Variants in ULK4 observed in about 807,000 individuals in gnomAD.
ULK4 encodes inactive serine/threonine-protein kinase ULK4.
A neutral mutation model predicts 160.6 loss-of-function variants in ULK4; 133 were observed. The observed-to-expected ratio is 0.83, with a 90% confidence interval of 0.72 to 0.96. ULK4 has a LOEUF of 0.96. ULK4 is among the 40% of genes least tolerant of loss of function. The probability of loss-of-function intolerance (pLI) is 0.00; values close to 1 mark genes in which losing one functional copy is unlikely to be tolerated. For synonymous variants in ULK4, 534 were observed against 539.8 expected, an observed-to-expected ratio of 0.99 and a Z score of 0.15; for missense variants, 1,580 against 1,499.5, an observed-to-expected ratio of 1.05 and a Z score of -0.89.
At chr3:41,261,979 C>G (rs58089472) in intron 35 of ULK4, among the ~76,000 whole-genome samples, 30,805 of 151,992 alleles carry the variant, frequency 0.2, 5,327 homozygotes, top group African/African-American at 0.46. Context: ...CTATGAGGAA[C>G]ATCTTCCATG....
chr3:41,402,617 G>A (rs1012334069), intron 34 of ULK4, among the ~76,000 whole-genome samples: 2 of 152,082 alleles, frequency 1.3e-5, no homozygotes, highest in East Asian at 1.9e-4. Flanking sequence ...CCATATGATC[G>A]TGTAATATTT....
chr3:41,453,899 C>T (rs2083477849), intron 34 of ULK4, among the ~76,000 whole-genome samples: 2 of 151,188 alleles, frequency 1.3e-5, no homozygotes, highest in South Asian at 4.2e-4. Context: ...AAGCTGGAAA[C>T]CATCATTCTC....
At chr3:41,260,447 A>G (rs555185964) in intron 35 of ULK4, among the ~76,000 whole-genome samples, 2 of 152,364 alleles carry the variant, frequency 1.3e-5, no homozygotes, top group African/African-American at 4.8e-5. Context: ...GATGCTGAGT[A>G]AATCTGAGAC....
intron 2 of ULK4, among the ~76,000 whole-genome samples, chr3:41,948,546 AT>A (rs1700183689): frequency 6.6e-6 from 1 of 152,170 alleles, no homozygotes; most frequent in East Asian, 1.9e-4. Flanking sequence ...ATGCAAGCAA[AT>A]TGAATTCAGC....
chr3:41,638,821 C>A (rs936346571), intron 30 of ULK4, among the ~76,000 whole-genome samples: 1 of 152,214 alleles, frequency 6.6e-6, no homozygotes, highest in South Asian at 2.1e-4. Context: ...ATGTTACATT[C>A]CATTCAGTCA....
At chr3:41,263,615 A>G (rs1029800162) in intron 35 of ULK4, among the ~76,000 whole-genome samples, 3 of 152,214 alleles carry the variant, frequency 2.0e-5, no homozygotes, top group Non-Finnish European at 4.4e-5. Flanking sequence ...ACACAATATA[A>G]AAACATGCAT....
At chr3:41,637,363 T>C (rs2034000697) in intron 30 of ULK4, among the ~76,000 whole-genome samples, 1 of 152,222 alleles carries the variant, frequency 6.6e-6, no homozygotes, top group Admixed American at 6.5e-5. Flanking sequence ...TTGCCACCAA[T>C]GACAGGATTT....
intron 30 of ULK4, among the ~76,000 whole-genome samples, chr3:41,621,987 C>T (rs1252055195): frequency 3.9e-5 from 6 of 152,190 alleles, no homozygotes; most frequent in South Asian, 2.1e-4. Flanking sequence ...AAGACATTTA[C>T]GTGGCCAACA....
At chr3:41,925,019 A>G (rs1022517980) in intron 5 of ULK4, among the ~76,000 whole-genome samples, 1 of 152,124 alleles carries the variant, frequency 6.6e-6, no homozygotes, top group South Asian at 2.1e-4. Flanking sequence ...ACATCACTTC[A>G]TACTCTCCCC....
At chr3:41,579,651 G>A (rs1294381961) in intron 31 of ULK4, among the ~76,000 whole-genome samples, 1 of 151,768 alleles carries the variant, frequency 6.6e-6, no homozygotes, top group Non-Finnish European at 1.5e-5. Flanking sequence ...GCGCCTCCAT[G>A]CCCGGCTAAT....
intron 34 of ULK4, among the ~76,000 whole-genome samples, chr3:41,398,871 T>C (rs756862083): frequency 1.3e-5 from 2 of 152,254 alleles, no homozygotes; most frequent in Non-Finnish European, 2.9e-5. Context: ...AATACACATA[T>C]ACAATGTGTA....
intron 29 of ULK4, among the ~76,000 whole-genome samples, chr3:41,675,489 C>T (rs2035681337): frequency 6.6e-6 from 1 of 152,032 alleles, no homozygotes; most frequent in Non-Finnish European, 1.5e-5. Context: ...ACTCAGGAGG[C>T]TGAGGCAGGA....
intron 21 of ULK4, among the ~76,000 whole-genome samples, chr3:41,770,194 CTT>C (rs1283166333): frequency 1.3e-5 from 2 of 152,164 alleles, no homozygotes; most frequent in African/African-American, 4.8e-5. Context: ...AGTGAGCAGA[CTT>C]ATCCAAATTT....
At chr3:41,825,390 T>C (rs139119185) in intron 18 of ULK4, among the ~76,000 whole-genome samples, 4 of 151,846 alleles carry the variant, frequency 2.6e-5, no homozygotes, top group Non-Finnish European at 4.4e-5. Context: ...TTCGAACCTA[T>C]GGCAAAGAAG....
At chr3:41,417,508 G>C (rs1206032274) in intron 34 of ULK4, among the ~76,000 whole-genome samples, 1 of 152,120 alleles carries the variant, frequency 6.6e-6, no homozygotes, top group Non-Finnish European at 1.5e-5. Flanking sequence ...GCCTAGTATA[G>C]GGGAAAACAC....
chr3:41,557,837 TC>T (rs2087358740), intron 32 of ULK4, among the ~76,000 whole-genome samples: 1 of 152,012 alleles, frequency 6.6e-6, no homozygotes. Context: ...AGTCCTCATT[TC>T]TATTGAATGC....
At chr3:41,562,515 TA>T (rs2125596429) in intron 32 of ULK4, among the ~76,000 whole-genome samples, 1 of 152,124 alleles carries the variant, frequency 6.6e-6, no homozygotes, top group Admixed American at 6.5e-5. Context: ...TGTAGATCTC[TA>T]AGGACTTGCT....
At chr3:41,659,495 T>G (rs77382488) in intron 30 of ULK4, among the ~76,000 whole-genome samples, 1 of 152,202 alleles carries the variant, frequency 6.6e-6, no homozygotes, top group East Asian at 1.9e-4. Context: ...TCATTCTTAC[T>G]TGTAAGAGAA....
In ULK4 at chr3:41,420,475, C is replaced by CTTTTTTTTTTTTTTTTTTTT. The variant is rs1165381982; in HGVS notation, c.3493-22231_3493-22212dup. Among the ~76,000 whole-genome samples, 251 of 41,188 alleles carry CTTTTTTTTTTTTTTTTTTTT rather than the reference C, an allele frequency of 6.1e-3. 39 individuals carry two copies. The highest frequency in any genetic ancestry group is 6.9e-3 in the Non-Finnish European group (167 of 24,334). 27.0% of individuals were successfully genotyped at this position (41,188 alleles called of 152,430 possible). On this transcript the variant is annotated intron_variant, in intron 34 of 36. Coordinates refer to ENST00000301831, the MANE Select transcript of ULK4 (RefSeq NM_017886.4). Reference sequence around the variant, plus strand: ...GGATTTTTCAGTTTTCCAGTTCTTTCTTTTTTTTTTTTTTTTTTTTTTTTT... The same window carrying CTTTTTTTTTTTTTTTTTTTT: ...GGATTTTTCAGTTTTCCAGTTCTTTCTTTTTTTTTTTTTTTTTTTTTTTTTTTTTTTTTTTTTTTTTTTTT...
Sources: gnomAD v4.1 joint callset for allele counts (sites outside exome capture counted in the v4.1 genomes callset) on GRCh38, gnomAD v4.1.1 for gene constraint, MANE v1.5 for transcripts, NCBI Gene and HGNC (gene_info 2026-07-23, HGNC 2026-07-21) for gene names.